ZPLD1: variants seen among roughly 807,000 people sequenced by gnomAD.
The protein encoded by ZPLD1 is zona pellucida-like domain-containing protein 1.
ZPLD1 carries 34 observed loss-of-function variants against 47.2 expected under a neutral mutation model. The ratio of observed to expected loss-of-function variants is 0.72; its 90% CI spans 0.55 to 0.96. The LOEUF (loss-of-function observed/expected upper bound fraction) is 0.96. Among genes scored for constraint, ZPLD1 ranks in the 40% least tolerant of loss-of-function variants. The pLI is 0.00. For synonymous variants in ZPLD1, 176 were observed against 186.2 expected (o/e 0.95, Z 0.45); for missense variants, 512 against 505.8 (o/e 1.01, Z -0.12).
At chr3:102,476,650 G>A (rs74782058) in intron 10 of ZPLD1, among the ~76,000 whole-genome samples, 8,146 of 152,160 alleles carry the variant, frequency 0.054, 288 homozygotes, top group Middle Eastern at 0.095. Context: ...AAATGTAATA[G>A]CTGTTAACGA....
intron 8 of ZPLD1, among the ~76,000 whole-genome samples, chr3:102,428,749 GTA>G (rs139174603): frequency 7.5e-4 from 111 of 148,016 alleles, no homozygotes; most frequent in Non-Finnish European, 9.4e-4. Context: ...ATGTGTGTGT[GTA>G]TATATATATA....
chr3:102,396,308 ATAGAG>A (rs1706556990), intron 7 of ZPLD1, among the ~76,000 whole-genome samples: 1 of 152,166 alleles, frequency 6.6e-6, no homozygotes. Context: ...CATAGGCCTC[ATAGAG>A]TAATCTTTTT....
At chr3:102,437,733 TTCA>T (rs1707112089) in intron 2 of ZPLD1, among the ~76,000 whole-genome samples, 1 of 152,190 alleles carries the variant, frequency 6.6e-6, no homozygotes, top group Non-Finnish European at 1.5e-5. Context: ...TATTTAACTG[TTCA>T]ACCCACACTG....
chr3:102,457,725 T>G, intron 5 of ZPLD1, 56 bp from the exon 6 acceptor site: 1 of 1,491,780 alleles, frequency 6.7e-7, no homozygotes, highest in South Asian at 1.1e-5. Context: ...AACATCTAGG[T>G]ATCACTTTTA....
chr3:102,410,108 A>G (rs1187592513), intron 7 of ZPLD1, among the ~76,000 whole-genome samples: 2 of 151,790 alleles, frequency 1.3e-5, no homozygotes, highest in African/African-American at 4.8e-5. Flanking sequence ...TATTTGATCA[A>G]TTGGAGAGTC....
At chr3:102,458,620 T>G (rs1159831953) in intron 6 of ZPLD1, among the ~76,000 whole-genome samples, 1 of 152,216 alleles carries the variant, frequency 6.6e-6, no homozygotes, top group African/African-American at 2.4e-5. Context: ...TAAAAGTCAG[T>G]GCTTTATACT....
chr3:102,416,893 T>G (rs936935188), intron 7 of ZPLD1, among the ~76,000 whole-genome samples: 31 of 151,974 alleles, frequency 2.0e-4, no homozygotes, highest in African/African-American at 7.5e-4. Flanking sequence ...AAGCTCTCAC[T>G]CAACACTAAA....
At chr3:102,447,777 T>A (rs1707280507) in intron 3 of ZPLD1, among the ~76,000 whole-genome samples, 1 of 152,160 alleles carries the variant, frequency 6.6e-6, no homozygotes, top group Non-Finnish European at 1.5e-5. Context: ...TATTATTAGA[T>A]ATGTAAATAA....
intron 7 of ZPLD1, among the ~76,000 whole-genome samples, chr3:102,413,211 T>C (rs1047239394): frequency 1.3e-5 from 2 of 151,754 alleles, no homozygotes; most frequent in African/African-American, 2.4e-5. Flanking sequence ...GTCATAAAAT[T>C]TTTAAAAAGA....
intron 5 of ZPLD1, among the ~76,000 whole-genome samples, chr3:102,457,090 A>G (rs1707428892): frequency 6.6e-6 from 1 of 152,210 alleles, no homozygotes; most frequent in Non-Finnish European, 1.5e-5. Context: ...GCTTTCTCCA[A>G]TTTTAGGATT....
At chr3:102,407,442 T>TATATATATATATATAC (rs1553708474) in intron 7 of ZPLD1, among the ~76,000 whole-genome samples, 8 of 95,502 alleles carry the variant, frequency 8.4e-5, no homozygotes, top group African/African-American at 1.2e-4. Context: ...TATATATATA[T>TATATATATATATATAC]ACACACATAT....
At chr3:102,394,929 G>T (rs978731733) in intron 7 of ZPLD1, among the ~76,000 whole-genome samples, 1 of 152,086 alleles carries the variant, frequency 6.6e-6, no homozygotes, top group African/African-American at 2.4e-5. Flanking sequence ...GCAATTAAAA[G>T]GAAGGAAAAA....
At chr3:102,477,290 T>G (rs1214761159) in intron 11 of ZPLD1, among the ~76,000 whole-genome samples, 153 bp from the exon 12 acceptor site, 2 of 152,138 alleles carry the variant, frequency 1.3e-5, no homozygotes, top group Admixed American at 1.3e-4. Flanking sequence ...TGGTATTGGG[T>G]TGAATTACAG....
At chr3:102,394,848 A>T (rs976767527) in intron 7 of ZPLD1, among the ~76,000 whole-genome samples, 1 of 152,192 alleles carries the variant, frequency 6.6e-6, no homozygotes, top group African/African-American at 2.4e-5. Context: ...ACCACATCTG[A>T]TAAATTTTGA....
At chr3:102,468,139 T>C (rs1707626278) in intron 8 of ZPLD1, among the ~76,000 whole-genome samples, 1 of 152,070 alleles carries the variant, frequency 6.6e-6, no homozygotes, top group Non-Finnish European at 1.5e-5. Context: ...TACTCTCAAA[T>C]AGGGAATAAT....
At chr3:102,456,455 T>C (rs1028006202) in intron 5 of ZPLD1, 81 bp downstream of exon 5, 2 of 1,201,980 alleles carry the variant, frequency 1.7e-6, no homozygotes, top group Non-Finnish European at 2.4e-6. Flanking sequence ...CTTAGAAAGA[T>C]AGCAGGATTT....
intron 9 of ZPLD1, among the ~76,000 whole-genome samples, chr3:102,469,825 T>A (rs889820968): frequency 6.6e-6 from 1 of 152,172 alleles, no homozygotes; most frequent in African/African-American, 2.4e-5. Context: ...TAAAGATCCA[T>A]TTAAAGTAGT....
At chr3:102,410,901 C>T (rs1706741533) in intron 7 of ZPLD1, among the ~76,000 whole-genome samples, 1 of 151,722 alleles carries the variant, frequency 6.6e-6, no homozygotes, top group South Asian at 2.1e-4. Flanking sequence ...TTGTGTCATG[C>T]TTCAAAATGT....
At chr3:102,459,810 C>T (rs1363463114) in intron 6 of ZPLD1, among the ~76,000 whole-genome samples, 1 of 152,060 alleles carries the variant, frequency 6.6e-6, no homozygotes, top group Non-Finnish European at 1.5e-5. Flanking sequence ...TAGTGTGAAA[C>T]ATTTGTTACA....
Sources: allele counts gnomAD v4.1 joint callset (sites outside exome capture counted in the v4.1 genomes callset), GRCh38; gene constraint gnomAD v4.1.1; transcripts MANE v1.5; gene names NCBI Gene and HGNC (gene_info 2026-07-23, HGNC 2026-07-21).